Variants in ZNF37A observed in about 807,000 individuals in gnomAD.
ZNF37A encodes zinc finger protein 37A.
A neutral mutation model predicts 12.3 loss-of-function variants in ZNF37A; 10 were observed. The observed-to-expected ratio is 0.82, with a 90% CI of 0.50 to 1.38. ZNF37A has a LOEUF of 1.38. Among genes scored for constraint, ZNF37A ranks in the 40% most tolerant of loss-of-function variants. The pLI is 0.00. For missense variants in ZNF37A, 580 were observed against 651.2 expected, an observed-to-expected ratio of 0.89 and a Z score of 1.19; for synonymous variants, 207 against 223.0, an observed-to-expected ratio of 0.93 and a Z score of 0.64.
chr10:38,126,050 C>A (rs561308833), downstream of ZNF37A, among the ~76,000 whole-genome samples: 3 of 152,240 alleles, frequency 2.0e-5, no homozygotes, highest in South Asian at 6.2e-4. Flanking sequence ...CCCATGATCA[C>A]CTCCCACCAG....
rs56124182 is a variant in ZNF37A, at chr10:38,115,066, A to AGTGTGTGT, written c.143-86_143-79dup. On this transcript the variant is annotated intron_variant, in intron 6 of 7. Coordinates refer to ENST00000685332, the MANE Select transcript of ZNF37A (RefSeq NM_001324250.3). Reference sequence around the variant, plus strand: ...CTGCCCCCATGACAGGATTAAATGAAGTGTGTGTGTGTGTGTGTGTGTGTG... The same window carrying AGTGTGTGT: ...CTGCCCCCATGACAGGATTAAATGAAGTGTGTGTGTGTGTGTGTGTGTGTGTGTGTGTG... 2,061 of 620,966 alleles carry AGTGTGTGT rather than the reference A, an allele frequency of 3.3e-3. 22 individuals carry two copies. Among genetic ancestry groups the AGTGTGTGT allele is most frequent in the South Asian group, 6.4e-3 (239 of 37,368 alleles). The allele number at this position is 620,966 out of a possible 1,614,324, so 38.5% of individuals were successfully genotyped here. A position where few individuals can be genotyped will look rare whatever the true frequency, so the allele number is the denominator to read the frequency against.
chr10:38,111,606 A>G (rs983017933), intron 5 of ZNF37A, among the ~76,000 whole-genome samples: 1 of 151,992 alleles, frequency 6.6e-6, no homozygotes, highest in African/African-American at 2.4e-5. Context: ...CCAGTCTCCC[A>G]TTTTTCTTAT....
chr10:38,096,299 A>G (rs918677761), intron 4 of ZNF37A, among the ~76,000 whole-genome samples: 2 of 152,218 alleles, frequency 1.3e-5, no homozygotes, highest in African/African-American at 4.8e-5. Context: ...AGTTTTAATG[A>G]AAGTATTATG....
chr10:38,097,343 G>A (rs2067226318), intron 5 of ZNF37A, among the ~76,000 whole-genome samples: 1 of 152,074 alleles, frequency 6.6e-6, no homozygotes, highest in Non-Finnish European at 1.5e-5. Context: ...ACTTTGGGAG[G>A]GCGAGGTGGG....
chr10:38,126,195 A>T (rs2069923142), downstream of ZNF37A, among the ~76,000 whole-genome samples: 1 of 152,210 alleles, frequency 6.6e-6, no homozygotes, highest in African/African-American at 2.4e-5. Context: ...TTTCTCAATA[A>T]ACCAATCGTT....
At chr10:38,141,327 G>A (rs1306633337) in intron 7 of ZNF37A, 4 of 152,098 alleles carry the variant, frequency 2.6e-5, no homozygotes, top group South Asian at 2.1e-4. Flanking sequence ...GAGTGATTGC[G>A]GTTCATGTCA....
At chr10:38,098,447 T>C (rs892494086) in intron 5 of ZNF37A, among the ~76,000 whole-genome samples, 1 of 152,200 alleles carries the variant, frequency 6.6e-6, no homozygotes, top group African/African-American at 2.4e-5. Flanking sequence ...AGCTTTTCTA[T>C]TTCTGCAAAA....
chr10:38,142,977 T>A (rs2070204022), intron 7 of ZNF37A: 1 of 152,232 alleles, frequency 6.6e-6, no homozygotes, highest in Admixed American at 6.5e-5. Context: ...ATTATTTCTA[T>A]TTTTCTTCAT....
intron 7 of ZNF37A, chr10:38,143,925 G>A (rs1271330133): frequency 6.6e-6 from 1 of 152,216 alleles, no homozygotes; most frequent in Non-Finnish European, 1.5e-5. Flanking sequence ...CACACTCCAG[G>A]GATGGGAGTT....
chr10:38,145,896 C>T (rs1420022376), intron 7 of ZNF37A, among the ~76,000 whole-genome samples: 2 of 152,112 alleles, frequency 1.3e-5, no homozygotes, highest in South Asian at 2.1e-4. Flanking sequence ...GTCAGGGGCT[C>T]GAGACCAGCC....
chr10:38,130,469 CT>C (rs1424739767), downstream of ZNF37A, among the ~76,000 whole-genome samples: 2 of 151,080 alleles, frequency 1.3e-5, no homozygotes, highest in East Asian at 1.9e-4. Flanking sequence ...TCTTTTCTTT[CT>C]TTTTTTTTGA....
exon 8 of ZNF37A, chr10:38,149,908 C>T (rs1020229536): frequency 1.3e-5 from 2 of 152,180 alleles, no homozygotes; most frequent in Middle Eastern, 3.2e-3. Flanking sequence ...ACTATTTGCT[C>T]TTCTGCACAA....
chr10:38,110,049 A>G (rs1278116381), intron 5 of ZNF37A, among the ~76,000 whole-genome samples: 2 of 152,268 alleles, frequency 1.3e-5, no homozygotes, highest in Non-Finnish European at 2.9e-5. Context: ...ATTCTAAGCC[A>G]AAAGAACAAA....
chr10:38,102,473 C>A (rs929279015), intron 5 of ZNF37A, among the ~76,000 whole-genome samples: 19 of 152,076 alleles, frequency 1.2e-4, no homozygotes, highest in African/African-American at 3.9e-4. Flanking sequence ...TGTCTTTTGT[C>A]TTCTTATTGT....
At position 38,117,876 on chromosome 10, in the gene ZNF37A, T is replaced by C. The variant is rs375734373; in HGVS notation, c.725T>C (p.Ile242Thr). The C allele has an allele frequency of 3.1e-6, 5 of 1,613,926 alleles. No individual in the cohort carries two copies. The South Asian group carries it at 5.5e-5, about 18-fold the overall frequency. Residue 242 changes from isoleucine (I) to threonine (T), a missense_variant, in exon 8 of 8, where the codon ATT becomes ACT. Ile to Thr is a moderately conservative substitution (Grantham distance 89). Coordinates refer to ENST00000685332, the MANE Select transcript of ZNF37A (RefSeq NM_001324250.3). ...PIQRTHSINNIIEYNECGTFF... is the reference protein window; with the variant it reads ...PIQRTHSINNTIEYNECGTFF... ...CAGAGAACCCACTCAATTAACAATATTATTGAATATAATGAGTGTGGAACA... is the reference window on the plus strand; with the variant it reads ...CAGAGAACCCACTCAATTAACAATACTATTGAATATAATGAGTGTGGAACA...
At chr10:38,117,332 A>G (rs2069348896) in intron 7 of ZNF37A, 58 bp from the exon 8 acceptor site, 1 of 1,524,038 alleles carries the variant, frequency 6.6e-7, no homozygotes, top group African/African-American at 1.4e-5. Flanking sequence ...TATAATGCTA[A>G]GTTTATTTCT....
At chr10:38,100,407 T>A (rs1314134447) in intron 5 of ZNF37A, among the ~76,000 whole-genome samples, 1 of 152,182 alleles carries the variant, frequency 6.6e-6, no homozygotes, top group African/African-American at 2.4e-5. Context: ...TGGGGTCTAT[T>A]TCACCCCTAC....
At chr10:38,112,753 T>G (rs534413821) in intron 5 of ZNF37A, among the ~76,000 whole-genome samples, 3,072 of 63,512 alleles carry the variant, frequency 0.048, 482 homozygotes, top group East Asian at 0.074. Context: ...TTCTTTTCTT[T>G]TCTTTTCTTT....
At chr10:38,109,799 C>G (rs183782788) in intron 5 of ZNF37A, among the ~76,000 whole-genome samples, 1 of 152,134 alleles carries the variant, frequency 6.6e-6, no homozygotes, top group African/African-American at 2.4e-5. Context: ...TGCGAAGGAC[C>G]TCTTCAAGAA....
Sources: gnomAD v4.1 joint callset for allele counts (sites outside exome capture counted in the v4.1 genomes callset) on GRCh38, gnomAD v4.1.1 for gene constraint, MANE v1.5 for transcripts, NCBI Gene and HGNC (gene_info 2026-07-23, HGNC 2026-07-21) for gene names.